CDH12: variants seen among roughly 807,000 people sequenced by gnomAD.
CDH12 encodes the protein cadherin 12.
CDH12 carries 41 observed loss-of-function variants against 74.1 expected under a neutral mutation model. The ratio of observed to expected loss-of-function variants is 0.55; its 90% CI spans 0.43 to 0.72. The LOEUF is 0.72. Ranked by LOEUF, CDH12 falls within the 30% of genes least tolerant of loss-of-function variation. CDH12 has a pLI of 0.00. For synonymous variants in CDH12, 399 were observed against 355.0 expected (o/e 1.12, Z -1.39); for missense variants, 945 against 977.2 (o/e 0.97, Z 0.44).
intron 1 of CDH12, among the ~76,000 whole-genome samples, chr5:22,813,207 G>A (rs1053629414): frequency 2.6e-5 from 4 of 152,136 alleles, no homozygotes; most frequent in East Asian, 1.9e-4. Flanking sequence ...TGATCTGGGA[G>A]ATCTGGGACA....
rs1754270996 is a variant in CDH12 at position 21,919,813 on chromosome 5, G to A, written c.526+55278C>T. On this transcript the variant is annotated intron_variant, in intron 6 of 14. Coordinates refer to ENST00000382254, the MANE Select transcript of CDH12 (RefSeq NM_004061.5). ...GATAAGCCTGCCGCATGAGGATTCA[G>A]CATTGACAGACCTTCTCATTGTCAG... 3.3e-5 allele frequency among the ~76,000 whole-genome samples: 5 copies of A among 152,254 alleles called. 1 individual carries two copies. In the South Asian group the frequency reaches 1.0e-3, roughly 32 times the overall value.
intron 2 of CDH12, among the ~76,000 whole-genome samples, chr5:22,408,288 G>T (rs1195927104): frequency 6.6e-6 from 1 of 150,596 alleles, no homozygotes; most frequent in South Asian, 2.1e-4. Context: ...AGGGGTGGGG[G>T]TTATTGAAAT....
intron 1 of CDH12, among the ~76,000 whole-genome samples, chr5:22,569,558 A>T (rs1739444826): frequency 6.6e-6 from 1 of 152,152 alleles, no homozygotes; most frequent in Non-Finnish European, 1.5e-5. Flanking sequence ...TCAAATCCTG[A>T]TACTGCTCTA....
chr5:22,456,810 T>C (rs1745294227), intron 2 of CDH12, among the ~76,000 whole-genome samples: 1 of 152,196 alleles, frequency 6.6e-6, no homozygotes, highest in Non-Finnish European at 1.5e-5. Flanking sequence ...ACAGGATCTC[T>C]GCATGGTTGA....
chr5:21,851,166 C>T (rs981336688), intron 7 of CDH12, among the ~76,000 whole-genome samples: 13 of 150,998 alleles, frequency 8.6e-5, no homozygotes, highest in African/African-American at 3.2e-4. Flanking sequence ...ATATCATTAC[C>T]ATATGATATG....
At chr5:22,264,434 T>C (rs577930413) in intron 3 of CDH12, among the ~76,000 whole-genome samples, 2 of 152,340 alleles carry the variant, frequency 1.3e-5, no homozygotes, top group South Asian at 2.1e-4. Context: ...CATTCTATAT[T>C]ATTTTTAGTA....
At chr5:22,420,530 A>G (rs910429557) in intron 2 of CDH12, among the ~76,000 whole-genome samples, 1 of 152,068 alleles carries the variant, frequency 6.6e-6, no homozygotes, top group African/African-American at 2.4e-5. Context: ...CCATTGGTCT[A>G]TGTGTCTGTT....
chr5:21,804,095 A>T (rs964626534), intron 9 of CDH12, among the ~76,000 whole-genome samples: 1 of 152,006 alleles, frequency 6.6e-6, no homozygotes, highest in African/African-American at 2.4e-5. Flanking sequence ...CTTTGTAATC[A>T]ATGTTTTCTT....
At chr5:22,082,376 T>G (rs1742797632) in intron 4 of CDH12, among the ~76,000 whole-genome samples, 1 of 152,146 alleles carries the variant, frequency 6.6e-6, no homozygotes, top group Non-Finnish European at 1.5e-5. Flanking sequence ...TAGGCTTTCT[T>G]GAACATAAGC....
At chr5:22,094,942 A>G (rs1743661925) in intron 4 of CDH12, among the ~76,000 whole-genome samples, 1 of 151,764 alleles carries the variant, frequency 6.6e-6, no homozygotes, top group African/African-American at 2.4e-5. Context: ...AAACGGGCCC[A>G]CCCCTATCTC....
chr5:21,986,842 A>T lies in CDH12; in HGVS notation c.232-11457T>A, dbSNP rs183281243. 4.0e-3 allele frequency among the ~76,000 whole-genome samples: 605 copies of T among 152,226 alleles called. 4 individuals are homozygous for T. Among genetic ancestry groups the T allele is most frequent in the African/African-American group, 0.014 (567 of 41,562 alleles). On this transcript the variant is annotated intron_variant, in intron 5 of 14. Coordinates refer to ENST00000382254, the MANE Select transcript of CDH12 (RefSeq NM_004061.5). ...TTATTTCCAATATTAGCTCTTATCGAATATTATATACTATGTTAAATGCCT... is the reference window on the plus strand; with the variant it reads ...TTATTTCCAATATTAGCTCTTATCGTATATTATATACTATGTTAAATGCCT...
chr5:22,045,956 T>C (rs1424058046), intron 5 of CDH12, among the ~76,000 whole-genome samples: 1 of 152,212 alleles, frequency 6.6e-6, no homozygotes, highest in Non-Finnish European at 1.5e-5. Flanking sequence ...TTCTCTACTC[T>C]GATTTGATCA....
At chr5:22,397,596 C>A (rs1322667212) in intron 3 of CDH12, among the ~76,000 whole-genome samples, 1 of 151,752 alleles carries the variant, frequency 6.6e-6, no homozygotes, top group Non-Finnish European at 1.5e-5. Context: ...AATGCAGTAG[C>A]AAAATATGGT....
At chr5:22,835,353 A>T (rs1279317628) in intron 1 of CDH12, among the ~76,000 whole-genome samples, 2 of 152,186 alleles carry the variant, frequency 1.3e-5, no homozygotes, top group African/African-American at 4.8e-5. Flanking sequence ...AGGATATCCT[A>T]AAGGAAATAT....
chr5:22,382,547 C>T (rs974512369), intron 3 of CDH12, among the ~76,000 whole-genome samples: 3 of 151,540 alleles, frequency 2.0e-5, no homozygotes, highest in Non-Finnish European at 4.4e-5. Flanking sequence ...TTGGCGTATT[C>T]GCTTTTCATC....
At chr5:22,128,190 T>C (rs1745988522) in intron 4 of CDH12, among the ~76,000 whole-genome samples, 1 of 152,114 alleles carries the variant, frequency 6.6e-6, no homozygotes, top group Non-Finnish European at 1.5e-5. Flanking sequence ...GATGAGCTCC[T>C]GATCTTGACC....
chr5:22,522,732 T>A (rs1459923629), intron 1 of CDH12, among the ~76,000 whole-genome samples: 1 of 152,194 alleles, frequency 6.6e-6, no homozygotes, highest in African/African-American at 2.4e-5. Flanking sequence ...ACTAAGCCAG[T>A]TAACACAACC....
intron 9 of CDH12, among the ~76,000 whole-genome samples, chr5:21,811,595 T>C (rs16888354): frequency 0.59 from 89,987 of 151,776 alleles, 29,068 homozygotes; most frequent in Non-Finnish European, 0.72. Context: ...TCTTATTCTG[T>C]CATTGTAAAT....
intron 3 of CDH12, among the ~76,000 whole-genome samples, chr5:22,324,676 T>C (rs1431539915): frequency 1.3e-5 from 2 of 151,978 alleles, no homozygotes; most frequent in Non-Finnish European, 2.9e-5. Context: ...AAAATGTATG[T>C]ATTTATAATT....
Sources: gnomAD v4.1 joint callset for allele counts (sites outside exome capture counted in the v4.1 genomes callset) on GRCh38, gnomAD v4.1.1 for gene constraint, MANE v1.5 for transcripts, NCBI Gene and HGNC (gene_info 2026-07-23, HGNC 2026-07-21) for gene names.